The following KHDRBS2 variants were observed in gnomAD, a reference collection of about 807,000 sequenced individuals.
The protein encoded by KHDRBS2 is KH RNA binding domain containing, signal transduction associated 2.
A neutral mutation model predicts 44.3 loss-of-function variants in KHDRBS2; 26 were observed. That is an observed-to-expected ratio of 0.59 (90% CI 0.43 to 0.81). The LOEUF (loss-of-function observed/expected upper bound fraction) is 0.81, where lower values mean the gene tolerates loss of function less well. Among genes scored for constraint, KHDRBS2 ranks in the 40% least tolerant of loss-of-function variants. KHDRBS2 has a pLI of 0.00. For synonymous variants in KHDRBS2, 194 were observed against 151.1 expected (o/e 1.28, Z -2.08); for missense variants, 476 against 433.1 (o/e 1.10, Z -0.88).
intron 1 of KHDRBS2, among the ~76,000 whole-genome samples, chr6:62,201,581 G>A (rs998541406): frequency 6.6e-5 from 10 of 152,080 alleles, no homozygotes; most frequent in Non-Finnish European, 7.4e-5. Flanking sequence ...AAGACAGTGA[G>A]CTACAGGTAG....
intron 6 of KHDRBS2, among the ~76,000 whole-genome samples, chr6:61,735,754 A>T (rs887601280): frequency 1.2e-4 from 19 of 152,106 alleles, no homozygotes; most frequent in Non-Finnish European, 2.6e-4. Context: ...ATGTTACTGG[A>T]AATTTTTCAA....
intron 6 of KHDRBS2, chr6:61,814,070 G>C (rs1788529751): frequency 4.4e-6 from 2 of 455,636 alleles, no homozygotes; most frequent in Admixed American, 4.7e-5. Flanking sequence ...TATTTATGAA[G>C]CTGTGGCTGA....
intron 1 of KHDRBS2, among the ~76,000 whole-genome samples, chr6:62,207,786 A>T (rs1456285963): frequency 4.6e-5 from 7 of 152,148 alleles, no homozygotes; most frequent in African/African-American, 1.4e-4. Flanking sequence ...AAAAATAATT[A>T]TATTATCTAT....
At chr6:61,905,712 A>G (rs80051508) in intron 4 of KHDRBS2, among the ~76,000 whole-genome samples, 10,256 of 152,220 alleles carry the variant, frequency 0.067, 412 homozygotes, top group Middle Eastern at 0.13. Flanking sequence ...ATCATTTGCA[A>G]TATCTTTATC....
At chr6:61,611,418 G>T in the KHDRBS2 span, among the ~76,000 whole-genome samples, 2 of 152,202 alleles carry the variant, frequency 1.3e-5, no homozygotes, top group Non-Finnish European at 2.9e-5. Context: ...TCTTACAGAG[G>T]TAAGACTAAG....
chr6:61,787,928 T>G (rs1374294091), intron 6 of KHDRBS2, among the ~76,000 whole-genome samples: 1 of 151,644 alleles, frequency 6.6e-6, no homozygotes, highest in African/African-American at 2.4e-5. Flanking sequence ...AGTTACTTTA[T>G]GCATAGTTCT....
intron 6 of KHDRBS2, among the ~76,000 whole-genome samples, chr6:61,741,625 G>A (rs1192807044): frequency 1.3e-5 from 2 of 151,754 alleles, no homozygotes; most frequent in Non-Finnish European, 2.9e-5. Context: ...TATTTAAAAA[G>A]TCAAGTAGGA....
In KHDRBS2 at chr6:61,730,146, A is replaced by C. The variant is rs544320836; in HGVS notation, c.893+2536T>G. Among the ~76,000 whole-genome samples the C allele has an allele frequency of 6.6e-5, 10 of 152,262 alleles. No homozygotes were observed. The East Asian group carries it at 1.9e-3, about 29-fold the overall frequency. ...TTATTTTTTCAACAAATCTTTACTG[A>C]GAACCTCTAGTGTTTCAGAAACTAT... On this transcript the variant is annotated intron_variant, in intron 7 of 8. Transcript: ENST00000281156.
At chr6:61,938,728 C>A (rs200154243) in intron 4 of KHDRBS2, among the ~76,000 whole-genome samples, 1 of 152,080 alleles carries the variant, frequency 6.6e-6, no homozygotes, top group African/African-American at 2.4e-5. Flanking sequence ...TTTACATCTC[C>A]TTTTGTCCAC....
chr6:61,835,044 G>A (rs1188967110), intron 6 of KHDRBS2, among the ~76,000 whole-genome samples: 2 of 152,022 alleles, frequency 1.3e-5, no homozygotes, highest in Non-Finnish European at 2.9e-5. Flanking sequence ...TTTTCTGCCA[G>A]AATGATACCT....
At chr6:62,255,605 AACACACACACACACAC>A (rs60498757) in intron 1 of KHDRBS2, among the ~76,000 whole-genome samples, 24,521 of 137,468 alleles carry the variant, frequency 0.18, 2,648 homozygotes, top group Middle Eastern at 0.32. Context: ...CATGCTTTAA[AACACACACACACACAC>A]ACACACACAC....
chr6:61,575,713 G>A, the KHDRBS2 span, among the ~76,000 whole-genome samples: 2 of 152,084 alleles, frequency 1.3e-5, no homozygotes, highest in Non-Finnish European at 1.5e-5. Context: ...TAAATGCCCA[G>A]CAACCAATGA....
At chr6:61,569,457 CCT>C in the KHDRBS2 span, among the ~76,000 whole-genome samples, 20 of 152,318 alleles carry the variant, frequency 1.3e-4, no homozygotes, top group South Asian at 3.9e-3. Context: ...TAAAATGCCA[CCT>C]CCTGGCTGGA....
chr6:62,001,064 C>A (rs1035745486), intron 3 of KHDRBS2, among the ~76,000 whole-genome samples: 2 of 152,090 alleles, frequency 1.3e-5, no homozygotes, highest in Non-Finnish European at 2.9e-5. Context: ...GAGAAGCAGC[C>A]CTTCCTGGCC....
chr6:61,571,136 T>C, the KHDRBS2 span, among the ~76,000 whole-genome samples: 1 of 152,020 alleles, frequency 6.6e-6, no homozygotes, highest in Non-Finnish European at 1.5e-5. Context: ...GCAGAATAGA[T>C]AAAAATCCAT....
Position 61,978,133 on chromosome 6 carries a change from G to A in KHDRBS2, c.416C>T (p.Ala139Val), listed in dbSNP as rs761171985. 2.0e-5 allele frequency: 33 copies of A among 1,611,546 alleles called. No homozygotes were observed. Among genetic ancestry groups the A allele is most frequent in the East Asian group, 4.5e-5 (2 of 44,820 alleles). The change falls in exon 4 of 9, where the codon GCT (alanine) becomes GTT (valine). Residue 139 changes from alanine to valine, a missense_variant. Ala to Val is a moderately conservative substitution (Grantham distance 64). Transcript: ENST00000281156. ...ACGTGAATAAGCTTCCCCAGGTGGAGCAAACACTTCAATTAATACATGAAG... is the reference window on the plus strand; with the variant it reads ...ACGTGAATAAGCTTCCCCAGGTGGAACAAACACTTCAATTAATACATGAAG... Reference protein sequence around the residue: ...DELHVLIEVFAPPGEAYSRMS... With the variant: ...DELHVLIEVFVPPGEAYSRMS...
At chr6:62,054,320 G>A (rs947612409) in intron 2 of KHDRBS2, among the ~76,000 whole-genome samples, 12 of 151,980 alleles carry the variant, frequency 7.9e-5, no homozygotes, top group African/African-American at 2.9e-4. Context: ...ATCCAGTCCT[G>A]GGGCACAGAT....
intron 2 of KHDRBS2, among the ~76,000 whole-genome samples, chr6:62,105,212 CTA>C (rs1802893578): frequency 6.6e-6 from 1 of 152,068 alleles, no homozygotes; most frequent in Non-Finnish European, 1.5e-5. Context: ...AGAAGTAATG[CTA>C]ATTCTACACC....
chr6:62,076,629 T>C (rs1229236419), intron 2 of KHDRBS2, among the ~76,000 whole-genome samples: 2 of 152,062 alleles, frequency 1.3e-5, no homozygotes, highest in African/African-American at 4.8e-5. Context: ...CTTGATGTCA[T>C]TTAGCAAATA....
Sources: allele counts gnomAD v4.1 joint callset (sites outside exome capture counted in the v4.1 genomes callset), GRCh38; gene constraint gnomAD v4.1.1; transcripts MANE v1.5; gene names NCBI Gene and HGNC (gene_info 2026-07-23, HGNC 2026-07-21).